The following CCDC144A variants were observed in gnomAD, a reference collection of about 807,000 sequenced individuals.
The protein encoded by CCDC144A is coiled-coil domain-containing protein 144A.
A neutral mutation model predicts 143.8 loss-of-function variants in CCDC144A; 41 were observed. That is an observed-to-expected ratio of 0.29 (90% confidence interval 0.22 to 0.37). The LOEUF is 0.37. Ranked by LOEUF, CCDC144A falls within the 10% of genes least tolerant of loss-of-function variation. The pLI, the probability that CCDC144A is intolerant of heterozygous loss-of-function variation, is 1.00. For synonymous variants in CCDC144A, 242 were observed against 517.9 expected (o/e 0.47, Z 7.23); for missense variants, 637 against 1,488.8 (o/e 0.43, Z 9.41).
At chr17:16,746,569 T>A (rs146000507) in intron 12 of CCDC144A, 103,033 of 1,611,678 alleles carry the variant, frequency 0.064, 1,711 homozygotes, top group East Asian at 0.16. Flanking sequence ...GGAAGATATA[T>A]CCATCAAAAC....
chr17:16,771,075 G>A (rs1219769559), intron 15 of CCDC144A, among the ~76,000 whole-genome samples: 11 of 152,032 alleles, frequency 7.2e-5, no homozygotes, highest in African/African-American at 9.7e-5. Flanking sequence ...CTCAGACCCC[G>A]TTCTAGGCAT....
chr17:16,777,418 C>G lies in CCDC144A; in HGVS notation c.*3785C>G, dbSNP rs573635751. On this transcript the variant is annotated 3_prime_UTR_variant, in exon 17 of 17. Coordinates refer to ENST00000399273, the MANE Select transcript of CCDC144A (RefSeq NM_001382000.1). ...ACAAGCATAGAATATACATTGTATACATCAGAACACGGGACATTCTCCAAA... is the reference window on the plus strand; with the variant it reads ...ACAAGCATAGAATATACATTGTATAGATCAGAACACGGGACATTCTCCAAA... 1 of 151,638 alleles carries G rather than the reference C, an allele frequency of 6.6e-6. No individual in the cohort carries two copies. The highest frequency in any genetic ancestry group is 2.4e-5 in the African/African-American group (1 of 41,232). 9.4% of individuals were successfully genotyped at this position (151,638 alleles called of 1,614,324 possible). A position where few individuals can be genotyped will look rare whatever the true frequency, so the allele number is the denominator to read the frequency against.
intron 6 of CCDC144A, among the ~76,000 whole-genome samples, chr17:16,717,747 TAATG>T (rs1340579345): frequency 6.6e-6 from 1 of 152,244 alleles, no homozygotes; most frequent in Admixed American, 6.5e-5. Context: ...TTTTTTGAAT[TAATG>T]AATTGAGATG....
At chr17:16,707,319 A>C (rs1249161548) in intron 3 of CCDC144A, 150 bp from the exon 4 acceptor site, 1 of 531,372 alleles carries the variant, frequency 1.9e-6, no homozygotes, top group Non-Finnish European at 3.3e-6. Flanking sequence ...GTATTTCTTA[A>C]AGAAGTAAGT....
At chr17:16,672,844 C>G in the CCDC144A span, among the ~76,000 whole-genome samples, 1 of 152,030 alleles carries the variant, frequency 6.6e-6, no homozygotes, top group East Asian at 1.9e-4. Flanking sequence ...ACCATTGTGT[C>G]AATATTTGTG....
At chr17:16,745,525 A>C in intron 12 of CCDC144A, 1 of 1,225,840 alleles carries the variant, frequency 8.2e-7, no homozygotes, top group Non-Finnish European at 1.2e-6. Context: ...TTTAGCTTCC[A>C]GTTTCCTGGT....
chr17:16,737,596 C>T, intron 12 of CCDC144A: 2 of 1,296,924 alleles, frequency 1.5e-6, no homozygotes, highest in South Asian at 2.5e-5. Flanking sequence ...CAACCTACGT[C>T]AGAGGCTACC....
chr17:16,722,435 C>T (rs1471957687), intron 8 of CCDC144A, among the ~76,000 whole-genome samples: 1 of 152,010 alleles, frequency 6.6e-6, no homozygotes, highest in Non-Finnish European at 1.5e-5. Context: ...CTCCCTGCCC[C>T]CACACATGCA....
chr17:16,683,815 G>C, the CCDC144A span: 5 of 1,435,008 alleles, frequency 3.5e-6, no homozygotes, highest in Non-Finnish European at 4.9e-6. Context: ...GCGTGAAGCC[G>C]AGCGTGAAGC....
rs910448866 is a variant in CCDC144A at position 16,753,745 on chromosome 17, A to G, written c.3373-7680A>G. Reference sequence around the variant, plus strand: ...AGACAGTTTGACTTTCTGTTTTCCAATCTGGATCCCCTTTATTTCTCTGAC... The same window carrying G: ...AGACAGTTTGACTTTCTGTTTTCCAGTCTGGATCCCCTTTATTTCTCTGAC... On this transcript the variant is annotated intron_variant, in intron 12 of 16. Transcript: ENST00000399273. 2.4e-4 allele frequency among the ~76,000 whole-genome samples: 37 copies of G among 152,140 alleles called. 1 individual carries two copies. Among genetic ancestry groups the G allele is most frequent in the Non-Finnish European group, 4.4e-5 (3 of 68,026 alleles).
At chr17:16,681,102 G>A in the CCDC144A span, among the ~76,000 whole-genome samples, 1 of 151,898 alleles carries the variant, frequency 6.6e-6, no homozygotes, top group Non-Finnish European at 1.5e-5. Context: ...TGAATAACTT[G>A]AAAAAGTATT....
chr17:16,730,615 A>C (rs1746421102), intron 9 of CCDC144A, among the ~76,000 whole-genome samples: 2 of 118,264 alleles, frequency 1.7e-5, no homozygotes, highest in African/African-American at 8.2e-5. Flanking sequence ...CTTCTAATCT[A>C]TGAACATAGG....
At chr17:16,670,291 C>CT in the CCDC144A span, among the ~76,000 whole-genome samples, 193 of 127,812 alleles carry the variant, frequency 1.5e-3, no homozygotes, top group Non-Finnish European at 1.6e-3. Flanking sequence ...TTTCTTTTTT[C>CT]TTTTTTTTTT....
At position 16,709,038 on chromosome 17, in the gene CCDC144A, A is replaced by G. The variant is rs1244921512; in HGVS notation, c.981A>G (p.Gly327=). ...EEPLLDNSTR[G]TDVKDIPFNL... Reference sequence around the variant, plus strand: ...CACTACTTGATAACTCTACAAGAGGAACAGATGTAAAGGATATTCCCTTTA... The same window carrying G: ...CACTACTTGATAACTCTACAAGAGGGACAGATGTAAAGGATATTCCCTTTA... The change falls in exon 5 of 17, where the codon GGA becomes GGG. Residue 327 remains glycine (G), a synonymous_variant. Coordinates refer to ENST00000399273, the MANE Select transcript of CCDC144A (RefSeq NM_001382000.1). 2.5e-6 allele frequency: 4 copies of G among 1,611,730 alleles called. No individual in the cohort carries two copies. The highest frequency in any genetic ancestry group is 3.4e-6 in the Non-Finnish European group (4 of 1,179,644).
chr17:16,766,240 A>G (rs1915590996), intron 15 of CCDC144A: 1 of 152,330 alleles, frequency 6.6e-6, no homozygotes, highest in Non-Finnish European at 1.5e-5. Flanking sequence ...TAGCTTTTCC[A>G]AAGGAGACAG....
the CCDC144A span, among the ~76,000 whole-genome samples, chr17:16,682,883 G>GTTTTTTTGTTTTTTTTTT: frequency 2.2e-5 from 1 of 46,432 alleles, no homozygotes; most frequent in African/African-American, 5.8e-5. Context: ...TGGATTCTCT[G>GTTTTTTTGTTTTTTTTTT]TTTTTTTTTT....
In CCDC144A at chr17:16,742,453, C is replaced by T. The variant is rs1914300221; in HGVS notation, c.3372+6810C>T. Among the ~76,000 whole-genome samples the T allele has an allele frequency of 2.0e-5, 3 of 152,054 alleles. No individual in the cohort carries two copies. The South Asian group carries it at 6.2e-4, about 32-fold the overall frequency. ...TACCACATTTTCTTTACTCATCAACCACATTGATCTGTTGATGAACATTTA... is the reference window on the plus strand; with the variant it reads ...TACCACATTTTCTTTACTCATCAACTACATTGATCTGTTGATGAACATTTA... On this transcript the variant is annotated intron_variant, in intron 12 of 16. Transcript: ENST00000399273.
At chr17:16,706,413 C>T (rs1190617410) in intron 3 of CCDC144A, 2 of 143,104 alleles carry the variant, frequency 1.4e-5, no homozygotes, top group African/African-American at 5.8e-5. Context: ...CTCAGCTCTC[C>T]ATCTTTAGCC....
chr17:16,689,730 GC>G (rs1405428321), upstream of CCDC144A: 2 of 152,384 alleles, frequency 1.3e-5, no homozygotes, highest in Non-Finnish European at 2.9e-5. Flanking sequence ...CCGAGTAGGA[GC>G]TGGGCGGGCA....
Sources: allele counts gnomAD v4.1 joint callset (sites outside exome capture counted in the v4.1 genomes callset), GRCh38; gene constraint gnomAD v4.1.1; transcripts MANE v1.5; gene names NCBI Gene and HGNC (gene_info 2026-07-23, HGNC 2026-07-21).